The following JARID2 variants were observed in gnomAD, a reference collection of about 807,000 sequenced individuals.
The protein encoded by JARID2 is jumonji and AT-rich interaction domain containing 2, also known as protein Jumonji.
JARID2 carries 21 observed loss-of-function variants against 125.6 expected under a neutral mutation model. The ratio of observed to expected loss-of-function variants is 0.17; its 90% CI spans 0.12 to 0.24. The LOEUF (loss-of-function observed/expected upper bound fraction) is 0.24. Ranked by LOEUF, JARID2 falls within the 10% of genes least tolerant of loss-of-function variation. The probability of loss-of-function intolerance (pLI) is 1.00; values close to 1 mark genes in which losing one functional copy is unlikely to be tolerated. For missense variants in JARID2, 1,303 were observed against 1,639.6 expected (o/e 0.79, Z 3.55); for synonymous variants, 736 against 661.6 (o/e 1.11, Z -1.73).
At chr6:15,515,555 G>A (rs1771504310) in intron 16 of JARID2, among the ~76,000 whole-genome samples, 1 of 152,154 alleles carries the variant, frequency 6.6e-6, no homozygotes. Context: ...GGAGGCAATG[G>A]TGGGCAGATC....
intron 3 of JARID2, among the ~76,000 whole-genome samples, chr6:15,447,390 C>G (rs1767719753): frequency 6.6e-6 from 1 of 151,786 alleles, no homozygotes; most frequent in Non-Finnish European, 1.5e-5. Context: ...AAAAAAAACA[C>G]ATGAAAGTAA....
At chr6:15,389,350 G>A (rs1486186873) in intron 2 of JARID2, among the ~76,000 whole-genome samples, 1 of 152,024 alleles carries the variant, frequency 6.6e-6, no homozygotes, top group Non-Finnish European at 1.5e-5. Flanking sequence ...GTAGAGATGG[G>A]GTGTCACTGT....
intron 1 of JARID2, among the ~76,000 whole-genome samples, chr6:15,263,953 C>G (rs569250743): frequency 6.6e-6 from 1 of 152,144 alleles, no homozygotes; most frequent in Non-Finnish European, 1.5e-5. Context: ...AGTGCCGTGA[C>G]GTGAACGCAG....
At chr6:15,433,457 T>G (rs1767059061) in intron 3 of JARID2, among the ~76,000 whole-genome samples, 3 of 150,122 alleles carry the variant, frequency 2.0e-5, no homozygotes, top group Admixed American at 1.3e-4. Context: ...TGTGTATAAT[T>G]TCAGTTTAGG....
chr6:15,261,107 CCAAA>C (rs1053393539), intron 1 of JARID2, among the ~76,000 whole-genome samples: 5 of 152,112 alleles, frequency 3.3e-5, no homozygotes, highest in African/African-American at 1.2e-4. Context: ...GCTTTTACAG[CCAAA>C]CATTGTTTGC....
chr6:15,454,618 C>T lies in JARID2; in HGVS notation c.493+2443C>T, dbSNP rs1768071420. ...TCAACCTCTCCAATAGCTAGACCTA[C>T]AGGCGCAGGCAACCACACCCAGCAA... On this transcript the variant is annotated intron_variant, in intron 4 of 17. Transcript: ENST00000341776. Among the ~76,000 whole-genome samples the T allele has an allele frequency of 2.0e-5, 3 of 151,358 alleles. No individual in the cohort carries two copies. The South Asian group carries it at 6.2e-4, about 31-fold the overall frequency.
chr6:15,450,047 T>G lies in JARID2; in HGVS notation c.324-1959T>G, dbSNP rs565862685. ...ATTTGTTAAATAGTATAATTTTTTT[T>G]TAAATGTTACAGCATTTTGAGCATC... is the stretch of plus-strand genomic sequence containing the variant. On this transcript the variant is annotated intron_variant, in intron 3 of 17. Coordinates refer to ENST00000341776, the MANE Select transcript of JARID2 (RefSeq NM_004973.4). Among the ~76,000 whole-genome samples the G allele has an allele frequency of 1.7e-4, 26 of 152,356 alleles. 1 individual carries two copies. The South Asian group carries it at 5.4e-3, about 32-fold the overall frequency.
At chr6:15,407,621 A>G (rs544654535) in intron 2 of JARID2, among the ~76,000 whole-genome samples, 10 of 152,230 alleles carry the variant, frequency 6.6e-5, no homozygotes, top group African/African-American at 2.2e-4. Flanking sequence ...ATACCAATAT[A>G]GCTCTTCTTC....
chr6:15,449,346 G>A (rs2127635116), intron 3 of JARID2, among the ~76,000 whole-genome samples: 1 of 152,150 alleles, frequency 6.6e-6, no homozygotes, highest in East Asian at 1.9e-4. Context: ...TTATTCCTGG[G>A]TTCTAAAGTG....
chr6:15,376,258 C>T (rs1764349994), intron 2 of JARID2, among the ~76,000 whole-genome samples: 2 of 152,280 alleles, frequency 1.3e-5, no homozygotes, highest in South Asian at 4.1e-4. Flanking sequence ...ACCTCGGCTT[C>T]TCTTTGGGTT....
rs569445495 is a variant in JARID2 at position 15,521,417 on chromosome 6, G to C, written c.*1166G>C. 2 of 148,452 alleles carry C rather than the reference G, an allele frequency of 1.3e-5. No individual in the cohort carries two copies. Among genetic ancestry groups the C allele is most frequent in the South Asian group, 4.5e-4 (2 of 4,466 alleles). 9.2% of individuals were successfully genotyped at this position (148,452 alleles called of 1,614,324 possible). On this transcript the variant is annotated 3_prime_UTR_variant, in exon 18 of 18. Transcript: ENST00000341776. ...AATACTTGAGCCTTTTTCTCGGTGG[G>C]GGGTGGGGAGGGGGGTGAGAAGACA...
chr6:15,434,583 A>G (rs1476012327), intron 3 of JARID2, among the ~76,000 whole-genome samples: 3 of 152,206 alleles, frequency 2.0e-5, no homozygotes, highest in Non-Finnish European at 2.9e-5. Context: ...CATTTATCCA[A>G]GTGTGAGTCT....
chr6:15,362,986 G>A (rs575256541), intron 1 of JARID2, among the ~76,000 whole-genome samples: 30 of 152,236 alleles, frequency 2.0e-4, no homozygotes, highest in African/African-American at 5.8e-4. Flanking sequence ...GGTTGTGGTG[G>A]GGAGGGAGGA....
chr6:15,337,823 A>G (rs1241684180), intron 1 of JARID2, among the ~76,000 whole-genome samples: 2 of 152,152 alleles, frequency 1.3e-5, no homozygotes, highest in Admixed American at 1.3e-4. Flanking sequence ...GAGAGGGCAC[A>G]TTTGAGACAC....
chr6:15,381,752 A>G (rs72836308), intron 2 of JARID2, among the ~76,000 whole-genome samples: 2,326 of 152,294 alleles, frequency 0.015, 35 homozygotes, highest in Non-Finnish European at 0.023. Flanking sequence ...CATTGTGGGT[A>G]TAAAAACTGA....
chr6:15,345,017 G>A (rs1763199296), intron 1 of JARID2, among the ~76,000 whole-genome samples: 1 of 152,114 alleles, frequency 6.6e-6, no homozygotes, highest in African/African-American at 2.4e-5. Context: ...TTAAATATCA[G>A]TTATCAGTGT....
chr6:15,439,510 C>T (rs1767358985), intron 3 of JARID2, among the ~76,000 whole-genome samples: 1 of 152,180 alleles, frequency 6.6e-6, no homozygotes, highest in African/African-American at 2.4e-5. Context: ...AGGGTTTAAG[C>T]TGCACTGAAG....
chr6:15,482,800 A>G (rs1002663510), intron 5 of JARID2, among the ~76,000 whole-genome samples: 2 of 152,230 alleles, frequency 1.3e-5, no homozygotes, highest in African/African-American at 4.8e-5. Flanking sequence ...TGAACTTTTC[A>G]TACTGTTACA....
intron 1 of JARID2, among the ~76,000 whole-genome samples, chr6:15,332,137 G>A (rs1762731090): frequency 6.6e-6 from 1 of 151,960 alleles, no homozygotes; most frequent in Admixed American, 6.5e-5. Flanking sequence ...AAGGGTGGGG[G>A]GATTAGAATG....
Sources: allele counts gnomAD v4.1 joint callset (sites outside exome capture counted in the v4.1 genomes callset), GRCh38; gene constraint gnomAD v4.1.1; transcripts MANE v1.5; gene names NCBI Gene and HGNC (gene_info 2026-07-23, HGNC 2026-07-21).